ROR2: variants seen among roughly 807,000 people sequenced by gnomAD.
The protein encoded by ROR2 is tyrosine-protein kinase transmembrane receptor ROR2.
A neutral mutation model predicts 74.9 loss-of-function variants in ROR2; 33 were observed. The ratio of observed to expected loss-of-function variants is 0.44; its 90% confidence interval spans 0.33 to 0.59. The LOEUF (loss-of-function observed/expected upper bound fraction) is 0.59. ROR2 is among the 20% of genes least tolerant of loss of function. The pLI, the probability that ROR2 is intolerant of heterozygous loss-of-function variation, is 0.02. For missense variants in ROR2, 1,216 were observed against 1,313.8 expected (o/e 0.93, Z 1.15); for synonymous variants, 586 against 558.7 (o/e 1.05, Z -0.69).
At chr9:91,894,700 G>A (rs1830496901) in intron 1 of ROR2, among the ~76,000 whole-genome samples, 2 of 152,160 alleles carry the variant, frequency 1.3e-5, no homozygotes, top group South Asian at 4.1e-4. Flanking sequence ...GAGTGGAGGG[G>A]AATTCTGTCC....
chr9:91,886,387 G>A lies in ROR2; in HGVS notation c.97+63480C>T, dbSNP rs1325893164. On this transcript the variant is annotated intron_variant, in intron 1 of 8. Transcript: ENST00000375708. ...AGAACTGGACCGACAGCGTGGGCCG[G>A]TAGACGTCGGCGTGTGTCTACACCA... Among the ~76,000 whole-genome samples the A allele has an allele frequency of 2.0e-5, 3 of 152,130 alleles. No homozygotes were observed. In the East Asian group the frequency reaches 5.8e-4, roughly 29 times the overall value.
chr9:91,833,821 A>T (rs1475934862), intron 1 of ROR2, among the ~76,000 whole-genome samples: 1 of 152,156 alleles, frequency 6.6e-6, no homozygotes, highest in African/African-American at 2.4e-5. Context: ...TGCAAGACTC[A>T]GCTTGAAGGG....
intron 1 of ROR2, among the ~76,000 whole-genome samples, chr9:91,796,436 G>GAAAA (rs907750118): frequency 0.032 from 2,828 of 87,564 alleles, 53 homozygotes; most frequent in East Asian, 0.14. Context: ...TTGTCCCAAG[G>GAAAA]AAAAAAAAAA....
chr9:91,938,386 G>A (rs948483814), intron 1 of ROR2, among the ~76,000 whole-genome samples: 1 of 152,262 alleles, frequency 6.6e-6, no homozygotes, highest in South Asian at 2.1e-4. Context: ...AACCTAGGAG[G>A]TGGAGGTTAC....
intron 1 of ROR2, among the ~76,000 whole-genome samples, chr9:91,778,268 C>G (rs1303876966): frequency 2.0e-5 from 3 of 152,258 alleles, no homozygotes; most frequent in African/African-American, 7.2e-5. Flanking sequence ...TGCTTCTGCA[C>G]CTAATGGGCT....
intron 1 of ROR2, among the ~76,000 whole-genome samples, chr9:91,812,504 G>A (rs956578550): frequency 3.7e-4 from 56 of 151,924 alleles, no homozygotes; most frequent in Middle Eastern, 6.8e-3. Context: ...AACATAAGGC[G>A]GGATCAGCAC....
chr9:91,799,976 C>T (rs894678747), intron 1 of ROR2, among the ~76,000 whole-genome samples: 2 of 152,214 alleles, frequency 1.3e-5, no homozygotes, highest in Admixed American at 6.5e-5. Context: ...CAGCACAAGC[C>T]GTTCAGGCCT....
At chr9:91,811,593 C>T (rs1247532462) in intron 1 of ROR2, among the ~76,000 whole-genome samples, 1 of 152,216 alleles carries the variant, frequency 6.6e-6, no homozygotes, top group African/African-American at 2.4e-5. Context: ...GGCAAACCAA[C>T]CACACGGAAG....
chr9:91,875,197 T>C (rs1829922740), intron 1 of ROR2, among the ~76,000 whole-genome samples: 1 of 152,200 alleles, frequency 6.6e-6, no homozygotes, highest in Non-Finnish European at 1.5e-5. Context: ...ATTCCGTAAA[T>C]GAAATGCCTA....
chr9:91,773,752 C>T (rs183202860), intron 2 of ROR2, among the ~76,000 whole-genome samples: 2 of 152,322 alleles, frequency 1.3e-5, no homozygotes, highest in South Asian at 2.1e-4. Context: ...ACACCAAGTC[C>T]CGCTTGACCC....
chr9:91,856,597 G>A (rs1252503510), intron 1 of ROR2, among the ~76,000 whole-genome samples: 1 of 152,168 alleles, frequency 6.6e-6, no homozygotes, highest in Non-Finnish European at 1.5e-5. Flanking sequence ...TCAGGGAGAG[G>A]ACAGCCAACT....
intron 3 of ROR2, among the ~76,000 whole-genome samples, chr9:91,756,869 G>A (rs975276614): frequency 6.7e-5 from 10 of 149,312 alleles, no homozygotes; most frequent in Non-Finnish European, 1.2e-4. Flanking sequence ...TCCTGCCTCA[G>A]CCTCCTGAGT....
At chr9:91,775,698 G>A (rs1357449799) in intron 2 of ROR2, 43 bp downstream of exon 2, 2 of 1,574,864 alleles carry the variant, frequency 1.3e-6, no homozygotes, top group Non-Finnish European at 1.7e-6. Flanking sequence ...CTCAGCACAG[G>A]GCATTTGGAG....
intron 1 of ROR2, among the ~76,000 whole-genome samples, chr9:91,917,557 T>C (rs1831167585): frequency 1.3e-5 from 2 of 152,148 alleles, no homozygotes; most frequent in African/African-American, 2.4e-5. Flanking sequence ...CTAGAAACCC[T>C]GGAAAGCATG....
intron 1 of ROR2, among the ~76,000 whole-genome samples, chr9:91,904,688 A>G (rs2119441748): frequency 6.6e-6 from 1 of 152,270 alleles, no homozygotes; most frequent in African/African-American, 2.4e-5. Context: ...CCAGGCTGTA[A>G]AGATCCCATC....
At chr9:91,867,662 G>C (rs1027808085) in intron 1 of ROR2, among the ~76,000 whole-genome samples, 135 of 120,062 alleles carry the variant, frequency 1.1e-3, no homozygotes, top group African/African-American at 2.4e-3. Context: ...TGAGCTGTGT[G>C]TGTGTGTGTG....
At chr9:91,757,615 G>T in intron 2 of ROR2, 56 bp from the exon 3 acceptor site, 3 of 1,579,936 alleles carry the variant, frequency 1.9e-6, no homozygotes, top group Non-Finnish European at 2.6e-6. Flanking sequence ...GGAAGGAAGG[G>T]CTACCTGGGG....
At chr9:91,788,347 C>T (rs1309285084) in intron 1 of ROR2, among the ~76,000 whole-genome samples, 1 of 152,140 alleles carries the variant, frequency 6.6e-6, no homozygotes, top group African/African-American at 2.4e-5. Context: ...TTAATTTACA[C>T]ATTTGAGAAA....
In ROR2 at chr9:91,775,773, T is replaced by A; in HGVS notation, c.143A>T (p.Asp48Val). 1 of 1,614,158 alleles carries A rather than the reference T, an allele frequency of 6.2e-7. No homozygotes were observed. The highest frequency in any genetic ancestry group is 8.5e-7 in the Non-Finnish European group (1 of 1,180,032). ...LDPNDPLGPL[D>V]GQDGPIPTLK... Reference sequence around the variant, plus strand: ...AGTTGGAATCGGGCCGTCCTGCCCATCAAGGGGTCCTAAAGGGTCGTTCGG... The same window carrying A: ...AGTTGGAATCGGGCCGTCCTGCCCAACAAGGGGTCCTAAAGGGTCGTTCGG... Residue 48 changes from aspartate (D) to valine (V), a missense_variant, in exon 2 of 9, where the codon GAT (aspartate) becomes GTT (valine). Coordinates refer to ENST00000375708, the MANE Select transcript of ROR2 (RefSeq NM_004560.4).
Sources: allele counts gnomAD v4.1 joint callset (sites outside exome capture counted in the v4.1 genomes callset), GRCh38; gene constraint gnomAD v4.1.1; transcripts MANE v1.5; gene names NCBI Gene and HGNC (gene_info 2026-07-23, HGNC 2026-07-21).